TAFA1: variants seen among roughly 807,000 people sequenced by gnomAD.
TAFA1 encodes chemokine-like protein TAFA-1.
TAFA1 carries 4 observed loss-of-function variants against 18.5 expected under a neutral mutation model. The observed-to-expected ratio is 0.22, with a 90% CI of 0.11 to 0.49. TAFA1 has a LOEUF of 0.49. Ranked by LOEUF, TAFA1 falls within the 20% of genes least tolerant of loss-of-function variation. The probability of loss-of-function intolerance (pLI) is 0.98; values close to 1 mark genes in which losing one functional copy is unlikely to be tolerated. For missense variants in TAFA1, 147 were observed against 169.0 expected (o/e 0.87, Z 0.72); for synonymous variants, 56 against 55.2 (o/e 1.01, Z -0.06).
intron 2 of TAFA1, among the ~76,000 whole-genome samples, chr3:68,071,818 C>T (rs1030214572): frequency 6.6e-6 from 1 of 152,032 alleles, no homozygotes; most frequent in Non-Finnish European, 1.5e-5. Flanking sequence ...GAAGGCAAAG[C>T]GAGGAAGAGG....
intron 2 of TAFA1, among the ~76,000 whole-genome samples, chr3:68,258,213 G>A (rs1223297775): frequency 2.6e-5 from 4 of 152,226 alleles, no homozygotes; most frequent in South Asian, 4.1e-4. Flanking sequence ...GGAGAAGTTG[G>A]GTAAAAGGTA....
chr3:68,250,152 T>A (rs865969245), intron 2 of TAFA1, among the ~76,000 whole-genome samples: 4 of 152,142 alleles, frequency 2.6e-5, no homozygotes, highest in Non-Finnish European at 5.9e-5. Flanking sequence ...TCCAGGGTGA[T>A]GATTTTAATC....
chr3:68,205,215 G>T (rs556392487), intron 2 of TAFA1, among the ~76,000 whole-genome samples: 4 of 151,920 alleles, frequency 2.6e-5, no homozygotes, highest in Admixed American at 1.3e-4. Context: ...AATAACAAGG[G>T]TTTGTGCTTT....
At chr3:68,044,355 A>G (rs1322085914) in intron 2 of TAFA1, among the ~76,000 whole-genome samples, 1 of 152,160 alleles carries the variant, frequency 6.6e-6, no homozygotes, top group Admixed American at 6.6e-5. Context: ...CAAAATGATG[A>G]TTACATATCT....
intron 3 of TAFA1, among the ~76,000 whole-genome samples, chr3:68,504,017 C>T (rs1337285708): frequency 6.6e-6 from 1 of 151,956 alleles, no homozygotes; most frequent in African/African-American, 2.4e-5. Context: ...TTAGTGCATA[C>T]CTAATTGACT....
In TAFA1 at chr3:68,178,915, C is replaced by T. The variant is rs552914541; in HGVS notation, c.118+172171C>T. On this transcript the variant is annotated intron_variant, in intron 2 of 4. Transcript: ENST00000478136. ...AGAAAGTCAGTAGTATCTCTCTGAG[C>T]TTCCTTATGGATCAAAGGGGAAATC... Among the ~76,000 whole-genome samples the T allele has an allele frequency of 2.6e-5, 4 of 152,302 alleles. No individual in the cohort carries two copies. In the South Asian group the frequency reaches 6.2e-4, roughly 24 times the overall value.
At chr3:68,036,745 C>T (rs1332820925) in intron 2 of TAFA1, among the ~76,000 whole-genome samples, 1 of 152,128 alleles carries the variant, frequency 6.6e-6, no homozygotes, top group Non-Finnish European at 1.5e-5. Flanking sequence ...ATCTGCCCTG[C>T]CCCCAAATCT....
intron 2 of TAFA1, among the ~76,000 whole-genome samples, chr3:68,311,967 A>T (rs2106680519): frequency 6.6e-6 from 1 of 152,244 alleles, no homozygotes; most frequent in African/African-American, 2.4e-5. Context: ...ATACATCTGA[A>T]ATGTAGATGG....
At chr3:68,480,113 C>G (rs1476148701) in intron 3 of TAFA1, among the ~76,000 whole-genome samples, 2 of 151,884 alleles carry the variant, frequency 1.3e-5, no homozygotes, top group Non-Finnish European at 2.9e-5. Context: ...TTGGGGTTGG[C>G]TGGGCGCAGT....
intron 3 of TAFA1, among the ~76,000 whole-genome samples, chr3:68,478,748 AT>A (rs780978650): frequency 6.6e-6 from 1 of 152,110 alleles, no homozygotes; most frequent in East Asian, 1.9e-4. Context: ...AAATCAAAAA[AT>A]GTTATTTAAA....
chr3:68,309,935 A>G (rs898415581), intron 2 of TAFA1, among the ~76,000 whole-genome samples: 1 of 152,218 alleles, frequency 6.6e-6, no homozygotes, highest in Non-Finnish European at 1.5e-5. Context: ...CCCCAGTAGT[A>G]AAGACTACTG....
At chr3:68,077,900 C>T (rs1267676340) in intron 2 of TAFA1, among the ~76,000 whole-genome samples, 1 of 151,152 alleles carries the variant, frequency 6.6e-6, no homozygotes, top group Non-Finnish European at 1.5e-5. Context: ...TTACCTTGGG[C>T]AGTATGGACA....
At chr3:68,150,481 T>G (rs2065792689) in intron 2 of TAFA1, among the ~76,000 whole-genome samples, 5 of 152,220 alleles carry the variant, frequency 3.3e-5, no homozygotes, top group Admixed American at 3.3e-4. Flanking sequence ...TTTTTGCAAC[T>G]GTTATGGCAA....
chr3:68,038,868 ACT>A (rs1398265085), intron 2 of TAFA1, among the ~76,000 whole-genome samples: 13 of 152,088 alleles, frequency 8.5e-5, no homozygotes, highest in African/African-American at 3.1e-4. Flanking sequence ...ACAATGCATA[ACT>A]CTATGTGAGT....
chr3:68,028,145 C>A (rs1327675357), intron 2 of TAFA1, among the ~76,000 whole-genome samples: 1 of 151,940 alleles, frequency 6.6e-6, no homozygotes, highest in Non-Finnish European at 1.5e-5. Context: ...ACAAAAAATA[C>A]AAAAATTAGC....
chr3:68,288,416 A>C (rs2068053143), intron 2 of TAFA1, among the ~76,000 whole-genome samples: 1 of 152,172 alleles, frequency 6.6e-6, no homozygotes, highest in South Asian at 2.1e-4. Flanking sequence ...TGACTCTGGG[A>C]AACTTCCGTT....
In TAFA1 at chr3:68,473,023, G is replaced by A. The variant is rs148075591; in HGVS notation, c.259+55603G>A. 5.9e-5 allele frequency among the ~76,000 whole-genome samples: 9 copies of A among 152,238 alleles called. No individual in the cohort carries two copies. The East Asian group carries it at 1.2e-3, about 20-fold the overall frequency. On this transcript the variant is annotated intron_variant, in intron 3 of 4. Coordinates refer to ENST00000478136, the MANE Select transcript of TAFA1 (RefSeq NM_213609.4). ...TAGGAGATTACTTTTAAGAAATCTCGAAGTAATTGCCAACAAGTTGGAGTC... is the reference window on the plus strand; with the variant it reads ...TAGGAGATTACTTTTAAGAAATCTCAAAGTAATTGCCAACAAGTTGGAGTC...
At chr3:68,017,504 A>G (rs940218615) in intron 2 of TAFA1, among the ~76,000 whole-genome samples, 1 of 152,174 alleles carries the variant, frequency 6.6e-6, no homozygotes, top group African/African-American at 2.4e-5. Context: ...CTGTCAAATG[A>G]TTGACACTGG....
chr3:68,452,487 C>T (rs1465086757), intron 3 of TAFA1, among the ~76,000 whole-genome samples: 1 of 145,534 alleles, frequency 6.9e-6, no homozygotes, highest in Non-Finnish European at 1.5e-5. Flanking sequence ...CACGCCACTA[C>T]ACTCCAGCCT....
Sources: gnomAD v4.1 joint callset for allele counts (sites outside exome capture counted in the v4.1 genomes callset) on GRCh38, gnomAD v4.1.1 for gene constraint, MANE v1.5 for transcripts, NCBI Gene and HGNC (gene_info 2026-07-23, HGNC 2026-07-21) for gene names.